PCID2: variants seen among roughly 807,000 people sequenced by gnomAD.
PCID2 encodes PCI domain-containing protein 2.
In PCID2, 41 loss-of-function variants were observed where a neutral mutation model predicts 61.3. The ratio of observed to expected loss-of-function variants is 0.67; its 90% CI spans 0.52 to 0.87. The LOEUF (loss-of-function observed/expected upper bound fraction) is 0.87. Ranked by LOEUF, PCID2 falls within the 40% of genes least tolerant of loss-of-function variation. The pLI is 0.00. For missense variants in PCID2, 392 were observed against 493.4 expected (o/e 0.79, Z 1.95); for synonymous variants, 187 against 177.8 (o/e 1.05, Z -0.41).
At chr13:113,165,659 T>C in the PCID2 span, among the ~76,000 whole-genome samples, 8 of 152,170 alleles carry the variant, frequency 5.3e-5, no homozygotes, top group Non-Finnish European at 5.9e-5. Flanking sequence ...ACCTCCTGAG[T>C]AGCTGGGATT....
chr13:113,189,230 C>T (rs1008468223), intron 7 of PCID2, among the ~76,000 whole-genome samples: 27 of 152,148 alleles, frequency 1.8e-4, no homozygotes, highest in African/African-American at 6.0e-4. Context: ...CAGCCTGAGG[C>T]CTCACCAGAA....
chr13:113,178,319 A>G (rs139217665), intron 13 of PCID2, 32 bp from the exon 14 acceptor site: 15 of 1,540,088 alleles, frequency 9.7e-6, no homozygotes, highest in East Asian at 2.3e-5. Flanking sequence ...ATGCGTTTAC[A>G]TTTTTGGATC....
chr13:113,208,011 T>C (rs953520678), intron 1 of PCID2: 40 of 1,609,752 alleles, frequency 2.5e-5, no homozygotes, highest in Non-Finnish European at 3.1e-5. Context: ...TTAACTGTGC[T>C]TCTGCTACTT....
chr13:113,172,201 T>C, the PCID2 span: 1 of 1,509,692 alleles, frequency 6.6e-7, no homozygotes, highest in Non-Finnish European at 9.0e-7. Flanking sequence ...CATCACACAC[T>C]GAGAGGCCGT....
intron 2 of PCID2, 103 bp downstream of exon 2, chr13:113,200,324 G>T: frequency 1.4e-6 from 1 of 722,016 alleles, no homozygotes; most frequent in Non-Finnish European, 2.5e-6. Flanking sequence ...AAATAAGAGT[G>T]ACAATATTAG....
chr13:113,184,407 C>T lies in PCID2; in HGVS notation c.624G>A (p.Gln208=). The T allele has an allele frequency of 6.2e-7, 1 of 1,609,092 alleles. No homozygotes were observed. Among genetic ancestry groups the T allele is most frequent in the Non-Finnish European group, 8.5e-7 (1 of 1,175,380 alleles). Residue 208 remains glutamine (Q), a synonymous_variant, in exon 9 of 14, where the codon CAG becomes CAA. Coordinates refer to ENST00000337344, the MANE Select transcript of PCID2 (RefSeq NM_001127202.4). ...SNLKDDYSTA[Q]RVTYKYYVGR... is the part of the protein sequence containing the mutation. ...CAACGTAGTATTTGTATGTTACTCT[C>T]TGTGCAGTGCTGTAATCGTCTTTCA...
In PCID2 at chr13:113,180,172, T is replaced by C. The variant is rs1165557804; in HGVS notation, c.846A>G (p.Val282=). ...KKYHLMQFAE[V]TRAVSEGNLL... ...GCATACTCTACCTCACAGCTCTGGT[T>C]ACTTCCGCAAACTGCATCAGGTGAT... The change falls in exon 11 of 14, where the codon GTA becomes GTG. Residue 282 remains valine (V), a synonymous_variant. Transcript: ENST00000337344. 6.2e-7 allele frequency: 1 copy of C among 1,614,040 alleles called. No homozygotes were observed. The highest frequency in any genetic ancestry group is 1.1e-5 in the South Asian group (1 of 91,080).
rs755926048 is a variant in PCID2, at chr13:113,180,058, G to T, written c.861-16C>A. ...GTTGCCCTCGCTGGTGAGGGGGGAG[G>T]CGCGTCAGAAGGAGGGTGAGTTTCT... On this transcript the variant is annotated splice_polypyrimidine_tract_variant and intron_variant, in intron 11 of 13. Coordinates refer to ENST00000337344, the MANE Select transcript of PCID2 (RefSeq NM_001127202.4). The T allele has an allele frequency of 3.7e-6, 6 of 1,613,666 alleles. No homozygotes were observed. The highest frequency in any genetic ancestry group is 1.3e-5 in the African/African-American group (1 of 74,902).
At chr13:113,197,481 C>T (rs2039103367) in intron 3 of PCID2, among the ~76,000 whole-genome samples, 1 of 152,234 alleles carries the variant, frequency 6.6e-6, no homozygotes, top group African/African-American at 2.4e-5. Context: ...ATGAGTAACA[C>T]ATGTTGATAA....
At chr13:113,171,457 C>T in the PCID2 span, 26 of 1,039,378 alleles carry the variant, frequency 2.5e-5, no homozygotes, top group Non-Finnish European at 3.3e-5. The surrounding 1 kb of genome is among the most constrained non-coding windows in gnomAD (Gnocchi z 5.1). Context: ...ACAGTGTCCA[C>T]ACCACGGGGC....
In PCID2 at chr13:113,179,817, C is replaced by T; in HGVS notation, c.986+100G>A. 1 of 1,203,228 alleles carries T rather than the reference C, an allele frequency of 8.3e-7. No homozygotes were observed. The highest frequency in any genetic ancestry group is 2.6e-5 in the East Asian group (1 of 39,180). The allele number at this position is 1,203,228 out of a possible 1,614,324, so 74.5% of individuals were successfully genotyped here. ...AATGGAAGGAAGATAACGACCCCAC[C>T]CACACGGTGGCCTTCTCTCTTAGAC... On this transcript the variant is annotated intron_variant, in intron 12 of 13. Coordinates refer to ENST00000337344, the MANE Select transcript of PCID2 (RefSeq NM_001127202.4). This position sits in a 1 kb window ranked among gnomAD's most constrained non-coding sequence, Gnocchi z 4.3.
Position 113,179,095 on chromosome 13 carries a change from A to AGAGGGGAGGAGAAGGGCACT in PCID2, c.987-26_987-7dup. 3 of 1,612,606 alleles carry AGAGGGGAGGAGAAGGGCACT rather than the reference A, an allele frequency of 1.9e-6. No individual in the cohort carries two copies. The highest frequency in any genetic ancestry group is 2.5e-6 in the Non-Finnish European group (3 of 1,179,254). On this transcript the variant is annotated splice_region_variant and splice_polypyrimidine_tract_variant and intron_variant, in intron 12 of 13. Coordinates refer to ENST00000337344, the MANE Select transcript of PCID2 (RefSeq NM_001127202.4). This position sits in a 1 kb window ranked among gnomAD's most constrained non-coding sequence, Gnocchi z 4.3. Reference sequence around the variant, plus strand: ...GTGTTTTCAGTAACAAATACCTGGAAGAGGGGAGGAGAAGGGCACTGTGGT... The same window carrying AGAGGGGAGGAGAAGGGCACT: ...GTGTTTTCAGTAACAAATACCTGGAAGAGGGGAGGAGAAGGGCACTGAGGGGAGGAGAAGGGCACTGTGGT...
chr13:113,205,880 A>G (rs997381460), intron 1 of PCID2, among the ~76,000 whole-genome samples: 1 of 152,246 alleles, frequency 6.6e-6, no homozygotes, highest in South Asian at 2.1e-4. Flanking sequence ...ATTCTGGATA[A>G]TGGTGATGGT....
intron 7 of PCID2, chr13:113,186,445 G>A (rs566591229): frequency 6.6e-6 from 1 of 152,096 alleles, no homozygotes; most frequent in African/African-American, 2.4e-5. Flanking sequence ...AACTACAGAT[G>A]ACCACATGTG....
chr13:113,197,717 T>C (rs2138880085), intron 3 of PCID2, among the ~76,000 whole-genome samples: 1 of 152,330 alleles, frequency 6.6e-6, no homozygotes, highest in South Asian at 2.1e-4. Context: ...GACCCCACAC[T>C]GGTCCTGTAG....
At chr13:113,183,236 A>C (rs1362873767) in intron 9 of PCID2, among the ~76,000 whole-genome samples, 1 of 152,196 alleles carries the variant, frequency 6.6e-6, no homozygotes, top group Non-Finnish European at 1.5e-5. Flanking sequence ...GATGATACAG[A>C]CTTAAACAAA....
the PCID2 span, among the ~76,000 whole-genome samples, chr13:113,169,470 G>A: frequency 2.6e-5 from 4 of 152,148 alleles, no homozygotes; most frequent in African/African-American, 9.7e-5. Flanking sequence ...TTTGTATGCC[G>A]TAATGGATTT....
At position 113,184,099 on chromosome 13, in the gene PCID2, G is replaced by A. The variant is rs899365908; in HGVS notation, c.685+247C>T. On this transcript the variant is annotated intron_variant, in intron 9 of 13. Transcript: ENST00000337344. ...TCTATTCTGAGAACAGTCATGCTCA[G>A]TGAACTCAGAAACGATGTCTGTAAT... 15 of 815,978 alleles carry A rather than the reference G, an allele frequency of 1.8e-5. No homozygotes were observed. The African/African-American group carries it at 2.6e-4, about 14-fold the overall frequency. The allele number at this position is 815,978 out of a possible 1,614,324, so 50.5% of individuals were successfully genotyped here. A position where few individuals can be genotyped will look rare whatever the true frequency, so the allele number is the denominator to read the frequency against.
chr13:113,184,913 T>C (rs1444054146), intron 8 of PCID2, among the ~76,000 whole-genome samples: 1 of 150,578 alleles, frequency 6.6e-6, no homozygotes, highest in African/African-American at 2.5e-5. Context: ...CCCGTGCTTG[T>C]GGAGGCTCTG....
Sources: allele counts gnomAD v4.1 joint callset (sites outside exome capture counted in the v4.1 genomes callset), GRCh38; gene constraint gnomAD v4.1.1; non-coding constraint Gnocchi (gnomAD v3.1); transcripts MANE v1.5; gene names NCBI Gene and HGNC (gene_info 2026-07-23, HGNC 2026-07-21).